ASIC2: variants seen among roughly 807,000 people sequenced by gnomAD.
ASIC2 encodes acid sensing ion channel subunit 2, also known as acid-sensing ion channel 2.
In ASIC2, 25 loss-of-function variants were observed where a neutral mutation model predicts 57.3. That is an observed-to-expected ratio of 0.44 (90% CI 0.32 to 0.61). The LOEUF (loss-of-function observed/expected upper bound fraction) is 0.61. Among genes scored for constraint, ASIC2 ranks in the 20% least tolerant of loss-of-function variants. ASIC2 has a pLI of 0.06. For missense variants in ASIC2, 641 were observed against 738.1 expected (o/e 0.87, Z 1.52); for synonymous variants, 319 against 307.5 (o/e 1.04, Z -0.39).
rs369975631 is a variant in ASIC2, at chr17:33,662,606, A to G, written c.555+493372T>C. Reference sequence around the variant, plus strand: ...CCACTGTACTCCAGCCTGGGTGACAAAGCAAGACTCTGTCTCAAAAATAAA... The same window carrying G: ...CCACTGTACTCCAGCCTGGGTGACAGAGCAAGACTCTGTCTCAAAAATAAA... On this transcript the variant is annotated intron_variant, in intron 1 of 9. Transcript: ENST00000359872. Among the ~76,000 whole-genome samples, 280 of 150,854 alleles carry G rather than the reference A, an allele frequency of 1.9e-3. 1 individual carries two copies. The highest frequency in any genetic ancestry group is 5.6e-3 in the African/African-American group (227 of 40,896).
intron 1 of ASIC2, among the ~76,000 whole-genome samples, chr17:33,804,164 C>A (rs1413307604): frequency 1.3e-5 from 2 of 152,266 alleles, no homozygotes; most frequent in East Asian, 3.9e-4. Flanking sequence ...ACAAATGAGT[C>A]CAGCAAATGT....
chr17:34,040,160 C>A (rs1253304603), intron 1 of ASIC2, among the ~76,000 whole-genome samples: 2 of 102,504 alleles, frequency 2.0e-5, no homozygotes, highest in Non-Finnish European at 3.6e-5. Flanking sequence ...GGCCTCCTGG[C>A]GCCGGACAAA....
At chr17:34,032,329 A>G (rs1449911971) in intron 1 of ASIC2, among the ~76,000 whole-genome samples, 3 of 152,330 alleles carry the variant, frequency 2.0e-5, no homozygotes, top group East Asian at 1.9e-4. Flanking sequence ...TTTTGTCACC[A>G]CCAGGCCTGC....
At chr17:34,111,781 A>G (rs963436756) in intron 1 of ASIC2, among the ~76,000 whole-genome samples, 2 of 152,216 alleles carry the variant, frequency 1.3e-5, no homozygotes, top group African/African-American at 4.8e-5. Flanking sequence ...GGCATTATTT[A>G]TGATAGCAAA....
chr17:33,683,211 G>A (rs1908064843), intron 1 of ASIC2, among the ~76,000 whole-genome samples: 1 of 152,088 alleles, frequency 6.6e-6, no homozygotes, highest in African/African-American at 2.4e-5. Flanking sequence ...GGGACTACAG[G>A]TGCCCGCCAC....
Position 33,055,783 on chromosome 17 carries a change from G to A in ASIC2, c.988-27391C>T, listed in dbSNP as rs981860044. Among the ~76,000 whole-genome samples the A allele has an allele frequency of 9.9e-5, 15 of 152,158 alleles. No individual in the cohort carries two copies. The East Asian group carries it at 2.3e-3, about 24-fold the overall frequency. On this transcript the variant is annotated intron_variant, in intron 3 of 9. Transcript: ENST00000225823. Reference sequence around the variant, plus strand: ...CTTTCTGCCCTTGGCCTCTCTTCACGGGAATCATAAGAAAAGCGACTGCGC... The same window carrying A: ...CTTTCTGCCCTTGGCCTCTCTTCACAGGAATCATAAGAAAAGCGACTGCGC...
intron 1 of ASIC2, among the ~76,000 whole-genome samples, chr17:33,717,538 A>G (rs927728238): frequency 2.0e-5 from 3 of 152,178 alleles, no homozygotes; most frequent in African/African-American, 7.2e-5. Flanking sequence ...TCTACTCTGG[A>G]AAGACCCAAC....
chr17:33,895,824 TG>T (rs1915081354), intron 1 of ASIC2, among the ~76,000 whole-genome samples: 1 of 152,160 alleles, frequency 6.6e-6, no homozygotes, highest in Non-Finnish European at 1.5e-5. Context: ...GCAGAACAGT[TG>T]TAAGGCAAGA....
intron 1 of ASIC2, among the ~76,000 whole-genome samples, chr17:33,839,556 T>G (rs1004001984): frequency 5.9e-5 from 9 of 152,198 alleles, no homozygotes; most frequent in African/African-American, 2.2e-4. Flanking sequence ...TATCCTTTGA[T>G]TGCTCGCTCT....
At chr17:34,009,139 C>T (rs1351878735) in intron 1 of ASIC2, among the ~76,000 whole-genome samples, 1 of 151,984 alleles carries the variant, frequency 6.6e-6, no homozygotes, top group African/African-American at 2.4e-5. Flanking sequence ...AATAACAGCC[C>T]GGAAAATGGG....
chr17:33,975,246 A>C (rs1274676477), intron 1 of ASIC2, among the ~76,000 whole-genome samples: 1 of 152,114 alleles, frequency 6.6e-6, no homozygotes, highest in Non-Finnish European at 1.5e-5. Context: ...CCCTTTGCTG[A>C]TATGGGATGG....
At chr17:33,932,745 T>C (rs866373301) in intron 1 of ASIC2, 1 of 107,186 alleles carries the variant, frequency 9.3e-6, no homozygotes, top group Non-Finnish European at 1.9e-5. Flanking sequence ...AAAAAAAATA[T>C]ATATATATAT....
chr17:33,075,714 C>G (rs577127464), intron 3 of ASIC2, among the ~76,000 whole-genome samples: 4 of 152,098 alleles, frequency 2.6e-5, no homozygotes, highest in Non-Finnish European at 5.9e-5. Flanking sequence ...CAGCTGAGCC[C>G]CTACTATGTC....
intron 1 of ASIC2, among the ~76,000 whole-genome samples, chr17:33,716,143 A>G (rs1387778518): frequency 1.3e-5 from 2 of 152,180 alleles, no homozygotes; most frequent in African/African-American, 2.4e-5. Context: ...TAGACAACTT[A>G]TTTAGCCTGC....
chr17:33,340,871 T>G (rs1348225579), intron 1 of ASIC2, among the ~76,000 whole-genome samples: 2 of 151,994 alleles, frequency 1.3e-5, no homozygotes, highest in African/African-American at 4.8e-5. Context: ...GGTGCATCAT[T>G]TAGGGAGGAA....
intron 3 of ASIC2, among the ~76,000 whole-genome samples, chr17:33,059,070 A>G (rs1334044715): frequency 6.6e-6 from 1 of 151,856 alleles, no homozygotes; most frequent in Non-Finnish European, 1.5e-5. Flanking sequence ...AAAAAAACCA[A>G]AAACCAAAAA....
chr17:34,107,226 G>T (rs936698017), intron 1 of ASIC2, among the ~76,000 whole-genome samples: 4 of 152,056 alleles, frequency 2.6e-5, no homozygotes, highest in Non-Finnish European at 4.4e-5. Flanking sequence ...TTTTGGCTTG[G>T]CACAGTGGCT....
chr17:33,594,895 T>C (rs546862260), intron 1 of ASIC2, among the ~76,000 whole-genome samples: 28 of 151,766 alleles, frequency 1.8e-4, no homozygotes, highest in Middle Eastern at 3.4e-3. Context: ...ATTGAGTAAC[T>C]TGGGTAAGGT....
intron 1 of ASIC2, among the ~76,000 whole-genome samples, chr17:33,368,462 C>G (rs1292287271): frequency 2.0e-5 from 3 of 152,170 alleles, no homozygotes; most frequent in African/African-American, 7.2e-5. Flanking sequence ...AACAGACTTC[C>G]CTGTGGAGTC....
Sources: gnomAD v4.1 joint callset for allele counts (sites outside exome capture counted in the v4.1 genomes callset) on GRCh38, gnomAD v4.1.1 for gene constraint, MANE v1.5 for transcripts, NCBI Gene and HGNC (gene_info 2026-07-23, HGNC 2026-07-21) for gene names.